Variants in FNDC3A observed in about 807,000 individuals in gnomAD.
The protein encoded by FNDC3A is fibronectin type III domain containing 3A, also known as fibronectin type-III domain-containing protein 3A.
A neutral mutation model predicts 148.9 loss-of-function variants in FNDC3A; 32 were observed. That is an observed-to-expected ratio of 0.21 (90% confidence interval 0.16 to 0.29). FNDC3A has a LOEUF of 0.29. Among genes scored for constraint, FNDC3A ranks in the 10% least tolerant of loss-of-function variants. The pLI is 1.00. For synonymous variants in FNDC3A, 472 were observed against 473.6 expected (o/e 1.00, Z 0.04); for missense variants, 1,191 against 1,452.8 (o/e 0.82, Z 2.93).
At chr13:49,030,172 A>G (rs113768765) in intron 2 of FNDC3A, among the ~76,000 whole-genome samples, 4 of 152,328 alleles carry the variant, frequency 2.6e-5, no homozygotes, top group African/African-American at 7.2e-5. Context: ...AACATATACA[A>G]TTCTATTTTA....
intron 2 of FNDC3A, among the ~76,000 whole-genome samples, chr13:49,041,813 C>CAAAAAAAAAAAAA (rs771071135): frequency 1.6e-5 from 1 of 64,322 alleles, no homozygotes; most frequent in African/African-American, 5.0e-5. Flanking sequence ...GACTCTGTCT[C>CAAAAAAAAAAAAA]AAAAAAAAAA....
chr13:49,073,592 T>TATATA, intron 2 of FNDC3A, among the ~76,000 whole-genome samples: 1 of 151,250 alleles, frequency 6.6e-6, no homozygotes, highest in East Asian at 1.9e-4. Context: ...GTGTATAAGG[T>TATATA]ATATATGAAA....
intron 3 of FNDC3A, among the ~76,000 whole-genome samples, chr13:49,106,596 G>T (rs1880189221): frequency 6.6e-6 from 1 of 152,146 alleles, no homozygotes; most frequent in East Asian, 1.9e-4. Context: ...CAGGCGCGAA[G>T]CAGCACACCC....
intron 3 of FNDC3A, 125 bp from the exon 4 acceptor site, chr13:49,114,530 A>T (rs960149594): frequency 2.0e-6 from 1 of 507,902 alleles, no homozygotes; most frequent in Admixed American, 2.7e-5. Flanking sequence ...ATTTCTTTTT[A>T]TAAAAATGTA....
At chr13:49,203,107 C>A (rs1028848541) in intron 24 of FNDC3A, 50 bp from the exon 25 acceptor site, 1 of 1,271,822 alleles carries the variant, frequency 7.9e-7, no homozygotes, top group Non-Finnish European at 1.1e-6. Flanking sequence ...CATGATGTAC[C>A]AAATTAAAAA....
chr13:49,055,000 G>C (rs928661058), intron 2 of FNDC3A, among the ~76,000 whole-genome samples: 5 of 151,376 alleles, frequency 3.3e-5, no homozygotes, highest in Non-Finnish European at 7.4e-5. Flanking sequence ...TTGAATTACA[G>C]TTTAGAAATA....
intron 8 of FNDC3A, among the ~76,000 whole-genome samples, chr13:49,161,965 C>T (rs1171955071): frequency 6.6e-6 from 1 of 152,172 alleles, no homozygotes; most frequent in African/African-American, 2.4e-5. Flanking sequence ...AGGGTTTCTG[C>T]CGAGAGATCT....
intron 11 of FNDC3A, 22 bp from the exon 12 acceptor site, chr13:49,174,401 TACATGGTATATA>T (rs1207321765): frequency 6.4e-7 from 1 of 1,573,448 alleles, no homozygotes; most frequent in South Asian, 1.1e-5. Flanking sequence ...TACAGTAATG[TACATGGTATATA>T]ATAATCAGCC....
chr13:49,145,289 C>T (rs1164944274), intron 7 of FNDC3A, among the ~76,000 whole-genome samples: 2 of 152,156 alleles, frequency 1.3e-5, no homozygotes, highest in African/African-American at 4.8e-5. Context: ...TAATCTTCCC[C>T]TATCCAGTAG....
chr13:49,048,961 A>T (rs148982127), intron 2 of FNDC3A, among the ~76,000 whole-genome samples: 98 of 152,096 alleles, frequency 6.4e-4, no homozygotes, highest in African/African-American at 2.0e-3. Flanking sequence ...TTTGTCATAG[A>T]TGGTTTTTAT....
chr13:49,126,274 GT>G (rs10562562), intron 4 of FNDC3A, among the ~76,000 whole-genome samples: 3 of 150,058 alleles, frequency 2.0e-5, no homozygotes, highest in Admixed American at 6.6e-5. Flanking sequence ...TTTTTTGTTT[GT>G]TTTTTTAATT....
chr13:49,194,229 C>T (rs1886038444), intron 19 of FNDC3A, among the ~76,000 whole-genome samples: 1 of 151,124 alleles, frequency 6.6e-6, no homozygotes. Flanking sequence ...TGCCACTGAA[C>T]TCCAGCCTGG....
At chr13:49,158,488 G>A (rs553715539) in intron 8 of FNDC3A, among the ~76,000 whole-genome samples, 215 of 152,276 alleles carry the variant, frequency 1.4e-3, no homozygotes, top group African/African-American at 4.9e-3. Flanking sequence ...CTTCTGCGTC[G>A]CTCACGCTGG....
chr13:49,158,493 C>T (rs1375740698), intron 8 of FNDC3A, among the ~76,000 whole-genome samples: 5 of 152,182 alleles, frequency 3.3e-5, no homozygotes, highest in Admixed American at 6.5e-5. Context: ...GCGTCGCTCA[C>T]GCTGGGAGCT....
chr13:49,060,792 TACA>T (rs1385321969), intron 2 of FNDC3A, among the ~76,000 whole-genome samples: 10 of 151,142 alleles, frequency 6.6e-5, no homozygotes, highest in African/African-American at 2.4e-4. Context: ...AATAGGTAAA[TACA>T]TAGAGATAGA....
intron 2 of FNDC3A, chr13:49,046,054 A>C (rs564839942): frequency 6.1e-6 from 1 of 163,420 alleles, no homozygotes; most frequent in Non-Finnish European, 1.3e-5. Flanking sequence ...CTGGGAAACA[A>C]TAACCTTTGA....
At chr13:49,079,783 A>G (rs569997982) in intron 3 of FNDC3A, among the ~76,000 whole-genome samples, 2 of 152,306 alleles carry the variant, frequency 1.3e-5, no homozygotes, top group South Asian at 2.1e-4. Flanking sequence ...GGGAAGAATC[A>G]CTGTGGGCCA....
chr13:49,168,460 T>A (rs1031577050), intron 9 of FNDC3A, among the ~76,000 whole-genome samples, 153 bp from the exon 10 acceptor site: 5 of 152,302 alleles, frequency 3.3e-5, no homozygotes, highest in African/African-American at 1.2e-4. Context: ...TGTCCTTTTT[T>A]TTTTAACGGT....
chr13:49,136,850 C>T (rs1407827), intron 6 of FNDC3A, among the ~76,000 whole-genome samples: 94,246 of 151,822 alleles, frequency 0.62, 29,870 homozygotes, highest in Non-Finnish European at 0.68. Flanking sequence ...TGATTCTGGG[C>T]GTTTGATAAG....
Sources: gnomAD v4.1 joint callset for allele counts (sites outside exome capture counted in the v4.1 genomes callset) on GRCh38, gnomAD v4.1.1 for gene constraint, MANE v1.5 for transcripts, NCBI Gene and HGNC (gene_info 2026-07-23, HGNC 2026-07-21) for gene names.